The following CDC5L variants were observed in gnomAD, a reference collection of about 807,000 sequenced individuals.
CDC5L encodes the protein cell division cycle 5-like protein.
Under a neutral mutation model 104.1 loss-of-function variants are expected in CDC5L, and 18 were observed. The ratio of observed to expected loss-of-function variants is 0.17; its 90% CI spans 0.12 to 0.26. The LOEUF (loss-of-function observed/expected upper bound fraction) is 0.26. Ranked by LOEUF, CDC5L falls within the 10% of genes least tolerant of loss-of-function variation. CDC5L has a pLI of 1.00. For missense variants in CDC5L, 673 were observed against 956.9 expected, an observed-to-expected ratio of 0.70 and a Z score of 3.91; for synonymous variants, 331 against 322.7, an observed-to-expected ratio of 1.03 and a Z score of -0.28.
At chr6:44,389,833 G>A (rs1583104293) in intron 1 of CDC5L, among the ~76,000 whole-genome samples, 1 of 152,200 alleles carries the variant, frequency 6.6e-6, no homozygotes, top group African/African-American at 2.4e-5. Flanking sequence ...AAAGGTAGAT[G>A]TTTCAAGGTA....
intron 8 of CDC5L, among the ~76,000 whole-genome samples, chr6:44,413,229 A>G (rs1791736806): frequency 6.6e-6 from 1 of 152,218 alleles, no homozygotes; most frequent in Non-Finnish European, 1.5e-5. Context: ...ATATATGTAA[A>G]TGAAATCATA....
chr6:44,424,629 A>G, intron 11 of CDC5L, 46 bp downstream of exon 11: 1 of 1,587,782 alleles, frequency 6.3e-7, no homozygotes, highest in South Asian at 1.1e-5. Context: ...TGAATGTGTC[A>G]GTAGGCTGGA....
At chr6:44,395,551 T>C (rs955779830) in intron 4 of CDC5L, among the ~76,000 whole-genome samples, 2 of 152,244 alleles carry the variant, frequency 1.3e-5, no homozygotes, top group African/African-American at 4.8e-5. Context: ...ACTCAGTGAA[T>C]ATTTGTTAAG....
At chr6:44,427,345 C>G (rs1031266312) in intron 13 of CDC5L, among the ~76,000 whole-genome samples, 2 of 152,128 alleles carry the variant, frequency 1.3e-5, no homozygotes, top group Non-Finnish European at 2.9e-5. Context: ...TAAGAAGATA[C>G]AGTGGGTCTC....
chr6:44,388,159 C>G (rs1303537538), intron 1 of CDC5L, among the ~76,000 whole-genome samples: 1 of 124,316 alleles, frequency 8.0e-6, no homozygotes, highest in Non-Finnish European at 1.7e-5. Context: ...GCCCCCCCGC[C>G]CCCCCCGGCC....
At chr6:44,388,857 C>T (rs1272343430) in intron 1 of CDC5L, among the ~76,000 whole-genome samples, 1 of 152,166 alleles carries the variant, frequency 6.6e-6, no homozygotes, top group Non-Finnish European at 1.5e-5. Context: ...GTAAGCATCA[C>T]ATCCTCTGTG....
At chr6:44,421,134 A>G (rs1792151866) in intron 9 of CDC5L, among the ~76,000 whole-genome samples, 1 of 152,204 alleles carries the variant, frequency 6.6e-6, no homozygotes, top group Non-Finnish European at 1.5e-5. Context: ...TAAGATCGTT[A>G]ATATTTTACT....
At chr6:44,394,726 G>A (rs1438450075) in intron 4 of CDC5L, among the ~76,000 whole-genome samples, 2 of 16,254 alleles carry the variant, frequency 1.2e-4, no homozygotes, top group East Asian at 7.0e-4. Flanking sequence ...GTGTGGTGGC[G>A]CATGCCTGTA....
At chr6:44,420,191 A>G (rs1397574957) in intron 9 of CDC5L, among the ~76,000 whole-genome samples, 2 of 152,146 alleles carry the variant, frequency 1.3e-5, no homozygotes, top group Admixed American at 6.6e-5. Context: ...CATTTTAATG[A>G]AAAAGGAACC....
intron 5 of CDC5L, among the ~76,000 whole-genome samples, chr6:44,398,334 TA>T (rs1430362181): frequency 6.6e-6 from 1 of 152,200 alleles, no homozygotes; most frequent in Non-Finnish European, 1.5e-5. Flanking sequence ...ACCAAATTTT[TA>T]GAGCCCTTTA....
intron 13 of CDC5L, 21 bp from the exon 14 acceptor site, chr6:44,429,692 T>C: frequency 6.2e-7 from 1 of 1,607,126 alleles, no homozygotes. Flanking sequence ...TTAAACTTAT[T>C]GAAATTATTA....
chr6:44,412,078 TG>T (rs1178293883), intron 8 of CDC5L, among the ~76,000 whole-genome samples: 4 of 152,310 alleles, frequency 2.6e-5, no homozygotes, highest in African/African-American at 9.6e-5. Context: ...CTATAGGTAT[TG>T]TAAGAATCCC....
chr6:44,389,925 C>T lies in CDC5L; in HGVS notation c.46-343C>T, dbSNP rs186605505. ...GTTGTTGTTGTGTTTTTTAGTTATC[C>T]TTTTTGAAGAGAAGGACAGCCACAC... On this transcript the variant is annotated intron_variant, in intron 1 of 15. Transcript: ENST00000371477. Among the ~76,000 whole-genome samples, 870 of 151,940 alleles carry T rather than the reference C, an allele frequency of 5.7e-3. 2 individuals carry two copies. Among genetic ancestry groups the T allele is most frequent in the Non-Finnish European group, 8.8e-3 (595 of 67,946 alleles).
chr6:44,434,520 TA>T (rs1244259978), intron 14 of CDC5L, among the ~76,000 whole-genome samples: 15 of 152,328 alleles, frequency 9.8e-5, no homozygotes, highest in Admixed American at 9.2e-4. Context: ...TCTTGACTAT[TA>T]TATGGGATCA....
chr6:44,436,781 G>A (rs145033848), intron 14 of CDC5L, among the ~76,000 whole-genome samples: 1,603 of 152,192 alleles, frequency 0.011, 26 homozygotes, highest in African/African-American at 0.036. Context: ...ATTACGGTGC[G>A]TGAAATTTGT....
intron 9 of CDC5L, among the ~76,000 whole-genome samples, chr6:44,421,609 G>T (rs1448423299): frequency 6.6e-6 from 1 of 152,104 alleles, no homozygotes; most frequent in East Asian, 1.9e-4. Flanking sequence ...TTCCACATCT[G>T]TGAATTCAAC....
intron 14 of CDC5L, among the ~76,000 whole-genome samples, chr6:44,437,784 A>G (rs555217120): frequency 2.7e-4 from 41 of 152,354 alleles, no homozygotes; most frequent in African/African-American, 9.4e-4. Flanking sequence ...TCCATGGAGC[A>G]TAGTGTATAG....
chr6:44,400,703 C>G (rs989065687), intron 5 of CDC5L, among the ~76,000 whole-genome samples: 2 of 152,200 alleles, frequency 1.3e-5, no homozygotes, highest in Admixed American at 1.3e-4. Flanking sequence ...GTCTATTCTT[C>G]CCTTACCTCC....
chr6:44,443,009 GTT>G (rs61581947), intron 14 of CDC5L, among the ~76,000 whole-genome samples: 6 of 151,474 alleles, frequency 4.0e-5, no homozygotes, highest in African/African-American at 1.2e-4. Context: ...TTGGTTGGCA[GTT>G]TTTTTTTCTC....
Sources: gnomAD v4.1 joint callset for allele counts (sites outside exome capture counted in the v4.1 genomes callset) on GRCh38, gnomAD v4.1.1 for gene constraint, MANE v1.5 for transcripts, NCBI Gene and HGNC (gene_info 2026-07-23, HGNC 2026-07-21) for gene names.